The following SSRP1 variants were observed in gnomAD, a reference collection of about 807,000 sequenced individuals.
SSRP1 encodes structure specific recognition protein 1.
In SSRP1, 21 loss-of-function variants were observed where a neutral mutation model predicts 84.4. The ratio of observed to expected loss-of-function variants is 0.25; its 90% CI spans 0.18 to 0.36. The LOEUF (loss-of-function observed/expected upper bound fraction) is 0.36. Among genes scored for constraint, SSRP1 ranks in the 10% least tolerant of loss-of-function variants. The pLI is 1.00. For synonymous variants in SSRP1, 319 were observed against 318.3 expected (o/e 1.00, Z -0.02); for missense variants, 519 against 900.8 (o/e 0.58, Z 5.43).
At position 57,333,493 on chromosome 11, in the gene SSRP1, C is replaced by T. The variant is rs766229405; in HGVS notation, c.288G>A (p.Glu96=). ...SDFFKTHYRL[E]LMEKDLCVKG... is the part of the protein sequence containing the mutation. ...TCACACAAAGGTCCTTCTCCATTAG[C>T]TCAAGGCGATAGTGAGTTTTGAAGA... Residue 96 remains glutamate, a synonymous_variant, in exon 4 of 17, where the codon GAG becomes GAA. Transcript: ENST00000278412. The T allele has an allele frequency of 1.9e-6, 3 of 1,614,026 alleles. No individual in the cohort carries two copies. Among genetic ancestry groups the T allele is most frequent in the East Asian group, 2.2e-5 (1 of 44,886 alleles).
rs1378394740 is a variant in SSRP1 at position 57,330,798 on chromosome 11, CCT to C, written c.1296+55_1296+56del. The stretch of plus-strand genomic sequence containing the variant: ...AAAGAAGCCGGAAAAAATCTCCACC[CCT>C]TTCTCCCCTATAGAAAGACCAGGAG... On this transcript the variant is annotated intron_variant, in intron 10 of 16. Coordinates refer to ENST00000278412, the MANE Select transcript of SSRP1 (RefSeq NM_003146.3). This position sits in a 1 kb window ranked among gnomAD's most constrained non-coding sequence, Gnocchi z 4.0. The C allele has an allele frequency of 6.8e-6, 11 of 1,612,998 alleles. No homozygotes were observed. The South Asian group carries it at 9.9e-5, about 14-fold the overall frequency.
chr11:57,332,814 C>T lies in SSRP1; in HGVS notation c.579G>A (p.Gln193=). ...QNVLSKADVI[Q]ATGDAICIFR... Reference sequence around the variant, plus strand: ...AGATGCAGATGGCATCTCCCGTGGCCTGGATTACATCCGCCTTTGACAACA... The same window carrying T: ...AGATGCAGATGGCATCTCCCGTGGCTTGGATTACATCCGCCTTTGACAACA... Residue 193 remains glutamine (Q), a synonymous_variant, in exon 6 of 17, where the codon CAG becomes CAA. Coordinates refer to ENST00000278412, the MANE Select transcript of SSRP1 (RefSeq NM_003146.3). The surrounding 1 kb of genome is among the most constrained non-coding windows in gnomAD (Gnocchi z 5.5). 1.2e-6 allele frequency: 2 copies of T among 1,614,016 alleles called. No homozygotes were observed. The highest frequency in any genetic ancestry group is 1.7e-6 in the Non-Finnish European group (2 of 1,179,942).
chr11:57,329,988 TG>T, intron 12 of SSRP1, 104 bp downstream of exon 12: 1 of 1,405,682 alleles, frequency 7.1e-7, no homozygotes, highest in Non-Finnish European at 1.0e-6. Context: ...TCTCCCATTC[TG>T]GGTCAGTAGC....
chr11:57,333,612 G>T, intron 3 of SSRP1, 72 bp from the exon 4 acceptor site: 1 of 1,126,322 alleles, frequency 8.9e-7, no homozygotes, highest in South Asian at 1.3e-5. Context: ...AATGTCCTGG[G>T]ATTATCTATT....
At chr11:57,327,581 A>C in intron 14 of SSRP1, 67 bp from the exon 15 acceptor site, 1 of 1,606,658 alleles carries the variant, frequency 6.2e-7, no homozygotes, top group South Asian at 1.1e-5. Flanking sequence ...CCCCTGATGC[A>C]GGCAAAATCG....
In SSRP1 at chr11:57,334,539, C is replaced by T. The variant is rs759396902; in HGVS notation, c.164G>A (p.Arg55His). Reference protein sequence around the residue: ...AGELTEGIWRRVALGHGLKLL... With the variant: ...AGELTEGIWRHVALGHGLKLL... ...TTTAAGTCCATGGCCCAGAGCAACACGGCGCCAGATACCTTCTGTTAACTC... is the reference window on the plus strand; with the variant it reads ...TTTAAGTCCATGGCCCAGAGCAACATGGCGCCAGATACCTTCTGTTAACTC... Residue 55 changes from arginine to histidine, a missense_variant, in exon 3 of 17, where the codon CGT (arginine) becomes CAT (histidine). Arg to His is a conservative substitution (Grantham distance 29). Transcript: ENST00000278412. 1.2e-5 allele frequency: 19 copies of T among 1,614,108 alleles called. No homozygotes were observed. The highest frequency in any genetic ancestry group is 1.1e-4 in the East Asian group (5 of 44,902).
chr11:57,327,725 T>C lies in SSRP1; in HGVS notation c.1769A>G (p.Lys590Arg). Residue 590 changes from lysine (K) to arginine (R), a missense_variant, in exon 14 of 17, where the codon AAA becomes AGA. This residue lies in a region of SSRP1 where 197 missense variants were observed against 265.0 expected (regional missense o/e 0.74). Transcript: ENST00000278412. ...KAGEIWKGMSKEKKEEWDRKA... is the reference protein window; with the variant it reads ...KAGEIWKGMSREKKEEWDRKA... ...GCTGCTACTCACCTCTTTCTTCTCT[T>C]TGGACATTCCCTTCCAGATCTCGCC... The C allele has an allele frequency of 6.2e-7, 1 of 1,614,056 alleles. No homozygotes were observed. Among genetic ancestry groups the C allele is most frequent in the Non-Finnish European group, 8.5e-7 (1 of 1,180,016 alleles).
In SSRP1 at chr11:57,334,490, G is replaced by A; in HGVS notation, c.213C>T (p.Val71=). The change falls in exon 3 of 17, where the codon GTC becomes GTT. Residue 71 remains valine (V), a synonymous_variant. Coordinates refer to ENST00000278412, the MANE Select transcript of SSRP1 (RefSeq NM_003146.3). ...GLKLLTKNGH[V]YKYDGFRESE... ...ATTCTCGGAAGCCATCATACTTGTA[G>A]ACATGGCCATTCTTTGTAAGCAGTT... 1 of 1,614,238 alleles carries A rather than the reference G, an allele frequency of 6.2e-7. No individual in the cohort carries two copies. Among genetic ancestry groups the A allele is most frequent in the Non-Finnish European group, 8.5e-7 (1 of 1,180,050 alleles).
At chr11:57,333,717 C>T (rs1344356509) in intron 3 of SSRP1, among the ~76,000 whole-genome samples, 177 bp from the exon 4 acceptor site, 1 of 152,202 alleles carries the variant, frequency 6.6e-6, no homozygotes, top group Non-Finnish European at 1.5e-5. Flanking sequence ...TGCTTCTAGC[C>T]ACTGGATCTG....
chr11:57,328,115 C>A (rs1270677952), intron 13 of SSRP1, among the ~76,000 whole-genome samples, 182 bp downstream of exon 13: 1 of 152,198 alleles, frequency 6.6e-6, no homozygotes, highest in East Asian at 1.9e-4. Flanking sequence ...GCTTATTAAT[C>A]TCAGGGCTAG....
Position 57,335,396 on chromosome 11 carries a change from T to TCCAGGCCTGGGTGGAGAA in SSRP1, c.-119-174_-119-157dup, listed in dbSNP as rs938161759. On this transcript the variant is annotated intron_variant, in intron 1 of 16. Coordinates refer to ENST00000278412, the MANE Select transcript of SSRP1 (RefSeq NM_003146.3). The surrounding 1 kb of genome is among the most constrained non-coding windows in gnomAD (Gnocchi z 4.6). ...ACGCTGCAGTGCCCGAGGGTCCAGG[T>TCCAGGCCTGGGTGGAGAA]CCAGGCCTGGGTGGAGAACCGGGCC... is the stretch of plus-strand genomic sequence containing the variant. The TCCAGGCCTGGGTGGAGAA allele has an allele frequency of 4.7e-6, 2 of 421,128 alleles. No homozygotes were observed. The highest frequency in any genetic ancestry group is 3.5e-5 in the Admixed American group (1 of 28,386). The allele number at this position is 421,128 out of a possible 1,614,324, so 26.1% of individuals were successfully genotyped here. A position where few individuals can be genotyped will look rare whatever the true frequency, so the allele number is the denominator to read the frequency against.
At position 57,330,870 on chromosome 11, in the gene SSRP1, G is replaced by A. The variant is rs893593134; in HGVS notation, c.1281C>T (p.Asn427=). Residue 427 remains asparagine (N), a synonymous_variant, in exon 10 of 17, where the codon AAC becomes AAT. Transcript: ENST00000278412. This position sits in a 1 kb window ranked among gnomAD's most constrained non-coding sequence, Gnocchi z 4.0. ...FVNAKKLNIK[N]RGLKEGMNPS... ...ACAGAAGTACCTCTTTCAATCCTCG[G>A]TTTTTGATGTTGAGCTTTTTCGCGT... 3 of 1,614,234 alleles carry A rather than the reference G, an allele frequency of 1.9e-6. No individual in the cohort carries two copies. The highest frequency in any genetic ancestry group is 2.2e-5 in the South Asian group (2 of 91,084).
At position 57,330,428 on chromosome 11, in the gene SSRP1, C is replaced by A. The variant is rs767982791; in HGVS notation, c.1298G>T (p.Gly433Val). 1.9e-6 allele frequency: 3 copies of A among 1,613,646 alleles called. No individual in the cohort carries two copies. Among genetic ancestry groups the A allele is most frequent in the African/African-American group, 2.7e-5 (2 of 74,948 alleles). Residue 433 changes from glycine (G) to valine (V), a missense_variant and splice_region_variant, in exon 11 of 17, where the codon GGC becomes GTC. This residue lies in a region of SSRP1 where 34 missense variants were observed against 34.3 expected (regional missense o/e 0.99). Transcript: ENST00000278412. This position sits in a 1 kb window ranked among gnomAD's most constrained non-coding sequence, Gnocchi z 4.0. ...LNIKNRGLKE[G>V]MNPSYDEYAD... ...ATATTCATCGTAGCTTGGGTTCATGCCCTAGCCAGGGAAGAGTTCACGGTG... is the reference window on the plus strand; with the variant it reads ...ATATTCATCGTAGCTTGGGTTCATGACCTAGCCAGGGAAGAGTTCACGGTG...
Position 57,326,111 on chromosome 11 carries a change from G to C in SSRP1, c.*296C>G. On this transcript the variant is annotated 3_prime_UTR_variant, in exon 17 of 17. Coordinates refer to ENST00000278412, the MANE Select transcript of SSRP1 (RefSeq NM_003146.3). ...CACATGACCCCTGCTCCAGCAACTTGAACAGGACAAGCAGCAGCTACATCC... is the reference window on the plus strand; with the variant it reads ...CACATGACCCCTGCTCCAGCAACTTCAACAGGACAAGCAGCAGCTACATCC... 4.6e-6 allele frequency: 2 copies of C among 432,976 alleles called. No homozygotes were observed. Among genetic ancestry groups the C allele is most frequent in the Non-Finnish European group, 4.2e-6 (1 of 240,226 alleles). 26.8% of individuals were successfully genotyped at this position (432,976 alleles called of 1,614,324 possible).
At position 57,326,460 on chromosome 11, in the gene SSRP1, G is replaced by GTTC. The variant is rs764601446; in HGVS notation, c.2074_2076dup (p.Glu692dup). ...TCTGAGCTGGGGGGAGTACTGGCTA[G>GTTC]TTCTTCTTCTTCAGAGTCCTGAAAA... On this transcript the variant is annotated inframe_insertion, in exon 17 of 17. Transcript: ENST00000278412. 1.9e-6 allele frequency: 3 copies of GTTC among 1,614,142 alleles called. No homozygotes were observed. Among genetic ancestry groups the GTTC allele is most frequent in the Non-Finnish European group, 2.5e-6 (3 of 1,180,030 alleles).
rs1002380059 is a variant in SSRP1, at chr11:57,328,289, G to C, written c.1611+8C>G. 3.1e-6 allele frequency: 5 copies of C among 1,613,804 alleles called. No individual in the cohort carries two copies. The African/African-American group carries it at 5.3e-5, about 17-fold the overall frequency. On this transcript the variant is annotated splice_region_variant and intron_variant, in intron 13 of 16. Transcript: ENST00000278412. ...CCACACACAGGCCCTCCCATCTACA[G>C]TCTGCACCTCCACAGGCTTCTTGCG...
chr11:57,332,241 C>T lies in SSRP1; in HGVS notation c.912G>A (p.Lys304=). The change falls in exon 8 of 17, where the codon AAG becomes AAA. Residue 304 remains lysine (K), a synonymous_variant. Coordinates refer to ENST00000278412, the MANE Select transcript of SSRP1 (RefSeq NM_003146.3). This position sits in a 1 kb window ranked among gnomAD's most constrained non-coding sequence, Gnocchi z 5.5. ...VEKRFEGRLT[K]NMSGSLYEMV... The stretch of plus-strand genomic sequence containing the variant: ...TCTCATAGAGGGATCCTGACATGTT[C>T]TTGGTGAGCCGACCCTCAAAGCGCT... The T allele has an allele frequency of 6.2e-7, 1 of 1,614,052 alleles. No individual in the cohort carries two copies. The highest frequency in any genetic ancestry group is 8.5e-7 in the Non-Finnish European group (1 of 1,180,004).
rs1856064402 is a variant in SSRP1, at chr11:57,330,330, TCTC to T, written c.1393_1395del (p.Glu465del). ...GAGTCATCGCTGCTGTCATTGGCAT[TCTC>T]CTCCCGGATCTTGCCTTCCTCCTTC... On this transcript the variant is annotated inframe_deletion, in exon 11 of 17. Coordinates refer to ENST00000278412, the MANE Select transcript of SSRP1 (RefSeq NM_003146.3). The surrounding 1 kb of genome is among the most constrained non-coding windows in gnomAD (Gnocchi z 4.0). 1.2e-6 allele frequency: 2 copies of T among 1,614,182 alleles called. No homozygotes were observed. Among genetic ancestry groups the T allele is most frequent in the East Asian group, 4.5e-5 (2 of 44,876 alleles).
intron 12 of SSRP1, chr11:57,329,584 G>C (rs970771651): frequency 8.4e-5 from 14 of 165,934 alleles, no homozygotes; most frequent in African/African-American, 3.1e-4. Flanking sequence ...CCTGAATCCA[G>C]TAGTGTCTGA....
Sources: allele counts gnomAD v4.1 joint callset (sites outside exome capture counted in the v4.1 genomes callset), GRCh38; gene constraint gnomAD v4.1.1; regional missense constraint gnomAD v4.1.1; non-coding constraint Gnocchi (gnomAD v3.1); transcripts MANE v1.5; gene names NCBI Gene and HGNC (gene_info 2026-07-23, HGNC 2026-07-21).